DOCK10: variants seen among roughly 807,000 people sequenced by gnomAD.
DOCK10 encodes the protein dedicator of cytokinesis 10.
A neutral mutation model predicts 280.1 loss-of-function variants in DOCK10; 145 were observed. The observed-to-expected ratio is 0.52, with a 90% CI of 0.45 to 0.59. The LOEUF is 0.59. Ranked by LOEUF, DOCK10 falls within the 20% of genes least tolerant of loss-of-function variation. The probability of loss-of-function intolerance (pLI) is 0.00; values close to 1 mark genes in which losing one functional copy is unlikely to be tolerated. For synonymous variants in DOCK10, 915 were observed against 942.2 expected (o/e 0.97, Z 0.53); for missense variants, 2,368 against 2,651.7 (o/e 0.89, Z 2.35).
At chr2:225,001,316 G>A (rs1575158576) in intron 1 of DOCK10, among the ~76,000 whole-genome samples, 1 of 133,674 alleles carries the variant, frequency 7.5e-6, no homozygotes, top group African/African-American at 3.3e-5. Flanking sequence ...TTGAGACGGA[G>A]TCTCGCTCTG....
At chr2:224,977,185 C>A (rs776079605) in intron 1 of DOCK10, among the ~76,000 whole-genome samples, 7 of 152,172 alleles carry the variant, frequency 4.6e-5, no homozygotes, top group Non-Finnish European at 1.0e-4. Context: ...TATGCTAGAT[C>A]TTTGGCAGTC....
chr2:224,845,199 A>G lies in DOCK10; in HGVS notation c.2481+4T>C, dbSNP rs758611911. 1.3e-6 allele frequency: 2 copies of G among 1,568,254 alleles called. No homozygotes were observed. The highest frequency in any genetic ancestry group is 1.4e-5 in the African/African-American group (1 of 73,890). ...AAAATCTTAAATTACACATTATTCA[A>G]TACCTTTCCACTTGCAGAATCTTGA... is the stretch of plus-strand genomic sequence containing the variant. On this transcript the variant is annotated splice_donor_region_variant and intron_variant, in intron 21 of 55. Coordinates refer to ENST00000258390, the MANE Select transcript of DOCK10 (RefSeq NM_014689.3).
chr2:224,875,510 A>T (rs1471172639), intron 8 of DOCK10, among the ~76,000 whole-genome samples: 2 of 152,194 alleles, frequency 1.3e-5, no homozygotes, highest in African/African-American at 2.4e-5. Context: ...AAAATGAAGT[A>T]GACCCTTATG....
At chr2:224,927,583 A>G (rs1702104248) in intron 2 of DOCK10, among the ~76,000 whole-genome samples, 2 of 152,216 alleles carry the variant, frequency 1.3e-5, no homozygotes. Context: ...TGCCTTGGTG[A>G]AAAGTAATCT....
intron 1 of DOCK10, among the ~76,000 whole-genome samples, chr2:224,933,107 G>T (rs1198242510): frequency 6.6e-6 from 1 of 152,162 alleles, no homozygotes; most frequent in Non-Finnish European, 1.5e-5. Context: ...AATGTTTGGA[G>T]AAAAGAAATT....
At position 224,916,737 on chromosome 2, in the gene DOCK10, A is replaced by G. The variant is rs990558379; in HGVS notation, c.291T>C (p.Pro97=). 8 of 1,611,468 alleles carry G rather than the reference A, an allele frequency of 5.0e-6. No homozygotes were observed. The highest frequency in any genetic ancestry group is 6.8e-6 in the Non-Finnish European group (8 of 1,178,834). ...TTTCTGCCTTGTGCTCTGCATCTTC[A>G]GGTACTGTTGAGTACAACGTGCGGA... The part of the protein sequence containing the change: ...WDIRTLYSTV[P]EDAEHKAENL... The change falls in exon 3 of 56, where the codon CCT becomes CCC. Residue 97 remains proline (P), a synonymous_variant. Coordinates refer to ENST00000258390, the MANE Select transcript of DOCK10 (RefSeq NM_014689.3).
At chr2:225,014,090 T>G (rs796399862) in intron 1 of DOCK10, among the ~76,000 whole-genome samples, 11 of 103,714 alleles carry the variant, frequency 1.1e-4, no homozygotes, top group Admixed American at 4.3e-4. Flanking sequence ...TATTGTTTTT[T>G]TTTTTTTGTT....
At chr2:224,997,055 G>A (rs976010570) in intron 1 of DOCK10, among the ~76,000 whole-genome samples, 3 of 152,138 alleles carry the variant, frequency 2.0e-5, no homozygotes, top group African/African-American at 7.2e-5. Flanking sequence ...ATCTTTGTTT[G>A]CCCTACATTT....
intron 26 of DOCK10, 38 bp from the exon 27 acceptor site, chr2:224,830,650 C>G: frequency 7.9e-7 from 1 of 1,262,872 alleles, no homozygotes; most frequent in Non-Finnish European, 1.1e-6. Flanking sequence ...ATTTATTATC[C>G]TATGGCAAAA....
In DOCK10 at chr2:224,830,632, A is replaced by G; in HGVS notation, c.2965-20T>C. Reference sequence around the variant, plus strand: ...GGAATGCTGTTGGGAAAAAAAAGGCAACGAGACATTTATTATCCTATGGCA... The same window carrying G: ...GGAATGCTGTTGGGAAAAAAAAGGCGACGAGACATTTATTATCCTATGGCA... On this transcript the variant is annotated intron_variant, in intron 26 of 55. Transcript: ENST00000258390. 1.4e-6 allele frequency: 2 copies of G among 1,477,688 alleles called. No homozygotes were observed. Among genetic ancestry groups the G allele is most frequent in the Non-Finnish European group, 1.8e-6 (2 of 1,094,212 alleles). The allele number at this position is 1,477,688 out of a possible 1,614,324, so 91.5% of individuals were successfully genotyped here.
At chr2:224,799,659 T>G (rs1692835446) in intron 41 of DOCK10, among the ~76,000 whole-genome samples, 1 of 152,246 alleles carries the variant, frequency 6.6e-6, no homozygotes, top group Non-Finnish European at 1.5e-5. Context: ...TTCTAGTTTC[T>G]CCACACCCTT....
At chr2:224,869,134 TC>T (rs1698108224) in intron 11 of DOCK10, among the ~76,000 whole-genome samples, 3 of 152,202 alleles carry the variant, frequency 2.0e-5, no homozygotes, top group African/African-American at 7.2e-5. Context: ...AATTCTGTAC[TC>T]TTCTGAAAAA....
chr2:224,958,449 T>A (rs960359405), intron 1 of DOCK10, among the ~76,000 whole-genome samples: 4 of 152,174 alleles, frequency 2.6e-5, no homozygotes, highest in Admixed American at 1.3e-4. Context: ...TGGATAAGGA[T>A]AATTAGGTTA....
At chr2:224,906,681 A>C (rs1022654116) in intron 3 of DOCK10, among the ~76,000 whole-genome samples, 18 of 152,136 alleles carry the variant, frequency 1.2e-4, no homozygotes, top group Admixed American at 1.0e-3. Flanking sequence ...GGGTTTCACC[A>C]TATTAGCCAG....
chr2:224,953,785 T>C (rs958784976), intron 1 of DOCK10, among the ~76,000 whole-genome samples: 10 of 152,238 alleles, frequency 6.6e-5, no homozygotes, highest in African/African-American at 2.4e-4. Flanking sequence ...CAACTACCTT[T>C]GTGCCAATCT....
intron 50 of DOCK10, among the ~76,000 whole-genome samples, chr2:224,781,023 C>G: frequency 6.6e-6 from 1 of 152,068 alleles, no homozygotes; most frequent in East Asian, 1.9e-4. Context: ...CTGTAAGGAC[C>G]GCGCTTGGTA....
chr2:224,897,967 A>G (rs1389629145), intron 3 of DOCK10, among the ~76,000 whole-genome samples: 1 of 152,180 alleles, frequency 6.6e-6, no homozygotes, highest in East Asian at 1.9e-4. Flanking sequence ...TTGGGATTAT[A>G]TGAACACCTG....
At chr2:224,812,470 C>A (rs1693846558) in intron 31 of DOCK10, among the ~76,000 whole-genome samples, 1 of 152,142 alleles carries the variant, frequency 6.6e-6, no homozygotes, top group African/African-American at 2.4e-5. Context: ...TAATTGAATA[C>A]CCTTTATTTC....
At chr2:224,809,718 G>A (rs1345895715) in intron 31 of DOCK10, among the ~76,000 whole-genome samples, 1 of 151,988 alleles carries the variant, frequency 6.6e-6, no homozygotes, top group Non-Finnish European at 1.5e-5. Flanking sequence ...ACAAGTATTG[G>A]TGTAAAGAAA....
Sources: gnomAD v4.1 joint callset for allele counts (sites outside exome capture counted in the v4.1 genomes callset) on GRCh38, gnomAD v4.1.1 for gene constraint, MANE v1.5 for transcripts, NCBI Gene and HGNC (gene_info 2026-07-23, HGNC 2026-07-21) for gene names.